The following CLSTN2 variants were observed in gnomAD, a reference collection of about 807,000 sequenced individuals.
The protein encoded by CLSTN2 is calsyntenin 2.
CLSTN2 carries 48 observed loss-of-function variants against 101.2 expected under a neutral mutation model. The ratio of observed to expected loss-of-function variants is 0.47; its 90% confidence interval spans 0.38 to 0.60. The LOEUF (loss-of-function observed/expected upper bound fraction) is 0.60, where lower values mean the gene tolerates loss of function less well. CLSTN2 is among the 20% of genes least tolerant of loss of function. The probability of loss-of-function intolerance (pLI) is 0.00; values close to 1 mark genes in which losing one functional copy is unlikely to be tolerated. For synonymous variants in CLSTN2, 481 were observed against 463.6 expected (o/e 1.04, Z -0.48); for missense variants, 1,160 against 1,238.2 (o/e 0.94, Z 0.95).
chr3:140,530,237 C>T (rs1935225731), intron 8 of CLSTN2, among the ~76,000 whole-genome samples: 1 of 152,136 alleles, frequency 6.6e-6, no homozygotes, highest in Admixed American at 6.5e-5. Context: ...TTTTTAAAGG[C>T]ATTTTAGTGC....
chr3:140,505,105 C>A (rs1045744295), intron 8 of CLSTN2, among the ~76,000 whole-genome samples: 1 of 151,538 alleles, frequency 6.6e-6, no homozygotes, highest in Non-Finnish European at 1.5e-5. Flanking sequence ...CAAGCTGAGA[C>A]AACCTGTTGA....
intron 8 of CLSTN2, among the ~76,000 whole-genome samples, chr3:140,468,716 C>T (rs779772684): frequency 6.6e-5 from 10 of 152,140 alleles, no homozygotes; most frequent in African/African-American, 9.7e-5. Flanking sequence ...CCATTATGCC[C>T]GGCTGCTGCT....
intron 1 of CLSTN2, among the ~76,000 whole-genome samples, chr3:140,004,678 C>T (rs758921145): frequency 8.5e-5 from 13 of 152,150 alleles, no homozygotes; most frequent in African/African-American, 2.7e-4. Flanking sequence ...AAAAAAGAGA[C>T]GTATTTCCAG....
chr3:140,034,058 T>C (rs2007609021), intron 1 of CLSTN2, among the ~76,000 whole-genome samples: 1 of 152,238 alleles, frequency 6.6e-6, no homozygotes, highest in Admixed American at 6.5e-5. Flanking sequence ...CAAATGTGTA[T>C]GACTCTATAT....
At chr3:140,558,536 G>A (rs1935845056) in intron 11 of CLSTN2, 104 bp from the exon 12 acceptor site, 5 of 826,406 alleles carry the variant, frequency 6.1e-6, no homozygotes, top group South Asian at 1.7e-5. Flanking sequence ...ACGCAGTCAC[G>A]ATGCCTTGTT....
intron 1 of CLSTN2, among the ~76,000 whole-genome samples, chr3:140,017,264 TG>T (rs1353394391): frequency 6.6e-6 from 1 of 152,214 alleles, no homozygotes; most frequent in Non-Finnish European, 1.5e-5. Flanking sequence ...CACAGCCTCC[TG>T]TTTCAGCTAC....
At chr3:140,051,038 G>A (rs1157820) in intron 1 of CLSTN2, among the ~76,000 whole-genome samples, 90,675 of 152,088 alleles carry the variant, frequency 0.6, 28,450 homozygotes, top group South Asian at 0.82. Flanking sequence ...ATTGAACACA[G>A]CGTCTAACAT....
intron 1 of CLSTN2, among the ~76,000 whole-genome samples, chr3:140,134,133 C>G (rs934294444): frequency 6.6e-6 from 1 of 152,166 alleles, no homozygotes; most frequent in African/African-American, 2.4e-5. Flanking sequence ...TAATTCTCAC[C>G]TGGCTTGGAG....
intron 1 of CLSTN2, among the ~76,000 whole-genome samples, chr3:140,116,969 G>C (rs1271849101): frequency 6.6e-6 from 1 of 152,132 alleles, no homozygotes; most frequent in East Asian, 1.9e-4. Flanking sequence ...ATTGGCTTTT[G>C]GTCAGTCTTC....
chr3:140,138,227 G>T (rs2009644133), intron 1 of CLSTN2, among the ~76,000 whole-genome samples: 2 of 152,198 alleles, frequency 1.3e-5, no homozygotes, highest in Non-Finnish European at 2.9e-5. Flanking sequence ...TGTGGCTCAT[G>T]TGCTCAGAAG....
chr3:140,326,082 A>G (rs2107926459), intron 2 of CLSTN2, among the ~76,000 whole-genome samples: 1 of 152,332 alleles, frequency 6.6e-6, no homozygotes, highest in East Asian at 1.9e-4. Context: ...TACCATTTTA[A>G]TGCATTATAA....
chr3:140,151,602 G>A (rs1310858709), intron 1 of CLSTN2, among the ~76,000 whole-genome samples: 1 of 152,064 alleles, frequency 6.6e-6, no homozygotes, highest in African/African-American at 2.4e-5. Context: ...CTGTCGGGAG[G>A]ATGCCTTGGA....
chr3:139,938,406 C>A (rs1300570656), intron 1 of CLSTN2, among the ~76,000 whole-genome samples: 2 of 152,182 alleles, frequency 1.3e-5, no homozygotes, highest in African/African-American at 4.8e-5. Context: ...GGGACTCGAG[C>A]AGTTAATCCC....
chr3:140,032,034 C>T (rs1340990953), intron 1 of CLSTN2, among the ~76,000 whole-genome samples: 1 of 152,176 alleles, frequency 6.6e-6, no homozygotes, highest in African/African-American at 2.4e-5. Flanking sequence ...GTGCTCTATA[C>T]CCAGAACAAG....
intron 2 of CLSTN2, among the ~76,000 whole-genome samples, chr3:140,402,565 A>T (rs1189496097): frequency 6.6e-6 from 1 of 152,164 alleles, no homozygotes; most frequent in Non-Finnish European, 1.5e-5. Context: ...TCTTACGAAT[A>T]GTTGGGCAGG....
chr3:140,004,177 C>G (rs1257999946), intron 1 of CLSTN2, among the ~76,000 whole-genome samples: 2 of 152,202 alleles, frequency 1.3e-5, no homozygotes, highest in Non-Finnish European at 2.9e-5. Flanking sequence ...AGCCAGGTAG[C>G]CTTCACTGCA....
chr3:140,301,206 T>C (rs536194268), intron 2 of CLSTN2, among the ~76,000 whole-genome samples: 1 of 152,320 alleles, frequency 6.6e-6, no homozygotes, highest in African/African-American at 2.4e-5. Context: ...GCACCCCTTG[T>C]CAGCTTGACA....
chr3:140,354,962 C>G (rs1051714397), intron 2 of CLSTN2, among the ~76,000 whole-genome samples: 43 of 152,176 alleles, frequency 2.8e-4, no homozygotes, highest in Non-Finnish European at 5.9e-4. Flanking sequence ...TCTTCAAACA[C>G]CTTCATTTGC....
intron 2 of CLSTN2, among the ~76,000 whole-genome samples, chr3:140,278,286 C>T (rs554932042): frequency 6.6e-6 from 1 of 152,292 alleles, no homozygotes; most frequent in East Asian, 1.9e-4. Context: ...GCATGGTCCT[C>T]ACACAGGGCC....
Sources: gnomAD v4.1 joint callset for allele counts (sites outside exome capture counted in the v4.1 genomes callset) on GRCh38, gnomAD v4.1.1 for gene constraint, MANE v1.5 for transcripts, NCBI Gene and HGNC (gene_info 2026-07-23, HGNC 2026-07-21) for gene names.